The following DNAAF3 variants were observed in gnomAD, a reference collection of about 807,000 sequenced individuals.
DNAAF3 encodes the protein dynein axonemal assembly factor 3.
DNAAF3 carries 40 observed loss-of-function variants against 50.9 expected under a neutral mutation model. The observed-to-expected ratio is 0.79, with a 90% CI of 0.61 to 1.02. DNAAF3 has a LOEUF of 1.02. Ranked by LOEUF, DNAAF3 falls within the 50% of genes least tolerant of loss-of-function variation. The pLI is 0.00. For synonymous variants in DNAAF3, 327 were observed against 322.8 expected (o/e 1.01, Z -0.14); for missense variants, 763 against 744.7 (o/e 1.02, Z -0.29).
rs2085811189 is a variant in DNAAF3 at position 55,160,789 on chromosome 19, G to A, written c.913-14C>T. 6.2e-7 allele frequency: 1 copy of A among 1,604,560 alleles called. No individual in the cohort carries two copies. Among genetic ancestry groups the A allele is most frequent in the East Asian group, 2.2e-5 (1 of 44,770 alleles). The stretch of plus-strand genomic sequence containing the variant: ...CTCCCCGGCCGTCTAACAGTAGAAG[G>A]GGCGTGGCCAGACGTCGGGGCCAGG... On this transcript the variant is annotated splice_polypyrimidine_tract_variant and intron_variant, in intron 8 of 11. Transcript: ENST00000524407. This position sits in a 1 kb window ranked among gnomAD's most constrained non-coding sequence, Gnocchi z 4.7.
At position 55,162,113 on chromosome 19, in the gene DNAAF3, T is replaced by A. The variant is rs2085847264; in HGVS notation, c.480+20A>T. On this transcript the variant is annotated intron_variant, in intron 5 of 11. Coordinates refer to ENST00000524407, the MANE Select transcript of DNAAF3 (RefSeq NM_001256715.2). ...ATTCCCGCGGCCACCCGATCCCAGA[T>A]GGAGGCCGGGCGGCGGCACCTTGAG... 8.0e-7 allele frequency: 1 copy of A among 1,243,930 alleles called. No homozygotes were observed. The allele number at this position is 1,243,930 out of a possible 1,614,324, so 77.1% of individuals were successfully genotyped here. A position where few individuals can be genotyped will look rare whatever the true frequency, so the allele number is the denominator to read the frequency against.
intron 5 of DNAAF3, 55 bp downstream of exon 5, chr19:55,162,078 C>T (rs539059776): frequency 1.6e-6 from 2 of 1,243,922 alleles, no homozygotes; most frequent in East Asian, 6.3e-5. Flanking sequence ...TTGGACTGTG[C>T]GCTTCCATTA....
Position 55,161,536 on chromosome 19 carries a change from G to C in DNAAF3, c.663+107C>G, listed in dbSNP as rs983229387. 4 of 1,481,222 alleles carry C rather than the reference G, an allele frequency of 2.7e-6. No homozygotes were observed. The highest frequency in any genetic ancestry group is 4.9e-5 in the Admixed American group (2 of 40,480). 91.8% of individuals were successfully genotyped at this position (1,481,222 alleles called of 1,614,324 possible). A position where few individuals can be genotyped will look rare whatever the true frequency, so the allele number is the denominator to read the frequency against. On this transcript the variant is annotated intron_variant, in intron 6 of 11. Transcript: ENST00000524407. The surrounding 1 kb of genome is among the most constrained non-coding windows in gnomAD (Gnocchi z 6.4). ...CCCAGGCCCTCCTCCCTCAGACCCAGGAGTTCAGGCCCCCAAACCCTCCTC... is the reference window on the plus strand; with the variant it reads ...CCCAGGCCCTCCTCCCTCAGACCCACGAGTTCAGGCCCCCAAACCCTCCTC...
At chr19:55,162,832 G>A (rs745982659) in intron 4 of DNAAF3, 2 of 315,902 alleles carry the variant, frequency 6.3e-6, no homozygotes, top group Non-Finnish European at 9.2e-6. Flanking sequence ...TTGAGACAGT[G>A]TCTCACTCTG....
At position 55,160,917 on chromosome 19, in the gene DNAAF3, A is replaced by T. The variant is rs1412230755; in HGVS notation, c.913-142T>A. 2.1e-6 allele frequency: 3 copies of T among 1,449,544 alleles called. No individual in the cohort carries two copies. Among genetic ancestry groups the T allele is most frequent in the South Asian group, 2.8e-5 (2 of 72,094 alleles). 89.8% of individuals were successfully genotyped at this position (1,449,544 alleles called of 1,614,324 possible). Reference sequence around the variant, plus strand: ...GTGGGGCGGGACCTATCCCGCGGGGATGGGGCCTGTTCTCTGAATGGAGTC... The same window carrying T: ...GTGGGGCGGGACCTATCCCGCGGGGTTGGGGCCTGTTCTCTGAATGGAGTC... On this transcript the variant is annotated intron_variant, in intron 8 of 11. Transcript: ENST00000524407. This position sits in a 1 kb window ranked among gnomAD's most constrained non-coding sequence, Gnocchi z 4.7.
Position 55,160,500 on chromosome 19 carries a change from GGAGA to G in DNAAF3, c.1048+136_1048+139del. On this transcript the variant is annotated intron_variant, in intron 9 of 11. Coordinates refer to ENST00000524407, the MANE Select transcript of DNAAF3 (RefSeq NM_001256715.2). This position sits in a 1 kb window ranked among gnomAD's most constrained non-coding sequence, Gnocchi z 4.7. ...AGCATGCTCTCAGAATTTAGGAAAG[GGAGA>G]GAAAGAGAGAAAAAGAGACAGAATA... The G allele has an allele frequency of 7.1e-7, 1 of 1,414,880 alleles. No individual in the cohort carries two copies. The highest frequency in any genetic ancestry group is 2.3e-5 in the East Asian group (1 of 43,800). The allele number at this position is 1,414,880 out of a possible 1,614,324, so 87.6% of individuals were successfully genotyped here.
rs1041414264 is a variant in DNAAF3, at chr19:55,163,527, A to G, written c.323-1237T>C. 3.3e-5 allele frequency among the ~76,000 whole-genome samples: 5 copies of G among 150,858 alleles called. No homozygotes were observed. In the East Asian group the frequency reaches 9.8e-4, roughly 30 times the overall value. On this transcript the variant is annotated intron_variant, in intron 4 of 11. Transcript: ENST00000524407. ...GGCCAGTCTCAAACTCGTGGTCTCAAGCAGTCCTCCCACCTCAGGCTCCCA... is the reference window on the plus strand; with the variant it reads ...GGCCAGTCTCAAACTCGTGGTCTCAGGCAGTCCTCCCACCTCAGGCTCCCA...
In DNAAF3 at chr19:55,160,079, A is replaced by T; in HGVS notation, c.1049-66T>A. 8.9e-7 allele frequency: 1 copy of T among 1,124,898 alleles called. No individual in the cohort carries two copies. The highest frequency in any genetic ancestry group is 1.2e-5 in the South Asian group (1 of 80,064). 69.7% of individuals were successfully genotyped at this position (1,124,898 alleles called of 1,614,324 possible). On this transcript the variant is annotated intron_variant, in intron 9 of 11. Coordinates refer to ENST00000524407, the MANE Select transcript of DNAAF3 (RefSeq NM_001256715.2). This position sits in a 1 kb window ranked among gnomAD's most constrained non-coding sequence, Gnocchi z 4.7. The stretch of plus-strand genomic sequence containing the variant: ...GCCATAAGGGCGGAAAACCAGAGAG[A>T]TACACAGAGCTGGGCAGAGCTGGGC...
Position 55,162,261 on chromosome 19 carries a change from C to G in DNAAF3, c.352G>C (p.Gly118Arg). The stretch of plus-strand genomic sequence containing the variant: ...ACTGGCGGGCGCAGCAGCGCGTTCC[C>G]CCACACTTCCAGGAAGGTCTCGCTT... The part of the protein sequence containing the change: ...ERSETFLEVW[G>R]NALLRPPVAA... The change falls in exon 5 of 12, where the codon GGG becomes CGG. Residue 118 changes from glycine to arginine, a missense_variant. Coordinates refer to ENST00000524407, the MANE Select transcript of DNAAF3 (RefSeq NM_001256715.2). 1.6e-6 allele frequency: 2 copies of G among 1,250,568 alleles called. No individual in the cohort carries two copies. The highest frequency in any genetic ancestry group is 2.0e-6 in the Non-Finnish European group (2 of 989,332). 77.5% of individuals were successfully genotyped at this position (1,250,568 alleles called of 1,614,324 possible). A position where few individuals can be genotyped will look rare whatever the true frequency, so the allele number is the denominator to read the frequency against.
Position 55,166,545 on chromosome 19 carries a change from G to A in DNAAF3, c.-27C>T. 6.2e-7 allele frequency: 1 copy of A among 1,614,094 alleles called. No homozygotes were observed. The highest frequency in any genetic ancestry group is 8.5e-7 in the Non-Finnish European group (1 of 1,180,008). ...CACCTTTATCCTCCAAATATCCCGG[G>A]ACGCCCCTTCCTCTCTGCTCAGTGC... On this transcript the variant is annotated 5_prime_UTR_variant, in exon 1 of 12. Transcript: ENST00000524407. This position sits in a 1 kb window ranked among gnomAD's most constrained non-coding sequence, Gnocchi z 4.0.
In DNAAF3 at chr19:55,166,542, C is replaced by T. The variant is rs1397391020; in HGVS notation, c.-24G>A. 2.5e-6 allele frequency: 4 copies of T among 1,614,044 alleles called. No individual in the cohort carries two copies. Among genetic ancestry groups the T allele is most frequent in the Non-Finnish European group, 2.5e-6 (3 of 1,180,020 alleles). On this transcript the variant is annotated 5_prime_UTR_variant, in exon 1 of 12. Coordinates refer to ENST00000524407, the MANE Select transcript of DNAAF3 (RefSeq NM_001256715.2). This position sits in a 1 kb window ranked among gnomAD's most constrained non-coding sequence, Gnocchi z 4.0. ...CCACACCTTTATCCTCCAAATATCC[C>T]GGGACGCCCCTTCCTCTCTGCTCAG...
In DNAAF3 at chr19:55,159,926, C is replaced by T. The variant is rs1471225847; in HGVS notation, c.1136G>A (p.Arg379Gln). Residue 379 changes from arginine (R) to glutamine (Q), a missense_variant, in exon 10 of 12, where the codon CGA (arginine) becomes CAA (glutamine). Coordinates refer to ENST00000524407, the MANE Select transcript of DNAAF3 (RefSeq NM_001256715.2). Reference sequence around the variant, plus strand: ...ACAGGCCACATAGAGGAGCTGGAATCGGCCGTTGTAGCAGCTCTTGTGGTG... The same window carrying T: ...ACAGGCCACATAGAGGAGCTGGAATTGGCCGTTGTAGCAGCTCTTGTGGTG... ...TLHHKSCYNG[R>Q]FQLLYVACGM... 13 of 1,612,442 alleles carry T rather than the reference C, an allele frequency of 8.1e-6. No individual in the cohort carries two copies. The highest frequency in any genetic ancestry group is 4.5e-5 in the East Asian group (2 of 44,834).
Position 55,166,277 on chromosome 19 carries a change from G to A in DNAAF3, c.85+52C>T. 1.3e-6 allele frequency: 2 copies of A among 1,596,702 alleles called. No homozygotes were observed. Among genetic ancestry groups the A allele is most frequent in the East Asian group, 4.5e-5 (2 of 44,146 alleles). ...GACTACGAGCTCTAAAAGGCCGTCTGCTCAGGCTGGGAAGGCAGACGGTGT... is the reference window on the plus strand; with the variant it reads ...GACTACGAGCTCTAAAAGGCCGTCTACTCAGGCTGGGAAGGCAGACGGTGT... On this transcript the variant is annotated intron_variant, in intron 2 of 11. Transcript: ENST00000524407. This position sits in a 1 kb window ranked among gnomAD's most constrained non-coding sequence, Gnocchi z 4.0.
At chr19:55,165,274 TA>T in intron 4 of DNAAF3, 95 bp downstream of exon 4, 1 of 1,252,078 alleles carries the variant, frequency 8.0e-7, no homozygotes, top group South Asian at 1.2e-5. Flanking sequence ...CCCAGGAAAA[TA>T]ACCAAACTTT....
chr19:55,164,464 G>A (rs902480415), intron 4 of DNAAF3, among the ~76,000 whole-genome samples: 9 of 152,278 alleles, frequency 5.9e-5, no homozygotes, highest in East Asian at 1.9e-4. Context: ...TCTGGGCAAC[G>A]GGACAAGACT....
At chr19:55,159,745 T>G (rs2085785771) in intron 10 of DNAAF3, 138 bp from the exon 11 acceptor site, 2 of 1,556,122 alleles carry the variant, frequency 1.3e-6, no homozygotes, top group African/African-American at 1.4e-5. Flanking sequence ...GAGCAGGAGG[T>G]CTGGACTCCT....
rs1222310084 is a variant in DNAAF3 at position 55,158,725 on chromosome 19, C to G, written c.*337G>C. ...TGCTGACCAGGCCCTGGTGAGGAGA[C>G]ACCCCAGCCCCTAGTCAGCCACAGG... is the stretch of plus-strand genomic sequence containing the variant. On this transcript the variant is annotated 3_prime_UTR_variant, in exon 12 of 12. Coordinates refer to ENST00000524407, the MANE Select transcript of DNAAF3 (RefSeq NM_001256715.2). 4.4e-6 allele frequency: 1 copy of G among 228,740 alleles called. No individual in the cohort carries two copies. Among genetic ancestry groups the G allele is most frequent in the African/African-American group, 2.2e-5 (1 of 44,672 alleles). The allele number at this position is 228,740 out of a possible 1,614,324, so 14.2% of individuals were successfully genotyped here.
In DNAAF3 at chr19:55,161,446, C is replaced by A. The variant is rs1241251046; in HGVS notation, c.664-28G>T. 6.3e-7 allele frequency: 1 copy of A among 1,577,558 alleles called. No homozygotes were observed. The highest frequency in any genetic ancestry group is 1.4e-5 in the African/African-American group (1 of 73,570). On this transcript the variant is annotated intron_variant, in intron 6 of 11. Transcript: ENST00000524407. The surrounding 1 kb of genome is among the most constrained non-coding windows in gnomAD (Gnocchi z 6.4). ...GGGGTGGGGGGCGGGAAGAAGGGAG[C>A]CCTCAGTGAACCGAGCGTGGAGAGA...
In DNAAF3 at chr19:55,166,183, C is replaced by G; in HGVS notation, c.85+146G>C. The G allele has an allele frequency of 6.5e-7, 1 of 1,548,402 alleles. No individual in the cohort carries two copies. The highest frequency in any genetic ancestry group is 8.7e-7 in the Non-Finnish European group (1 of 1,147,380). On this transcript the variant is annotated intron_variant, in intron 2 of 11. Transcript: ENST00000524407. The surrounding 1 kb of genome is among the most constrained non-coding windows in gnomAD (Gnocchi z 4.0). ...TCCGCAGACAGGACCTCGGGGCTGC[C>G]CCTGGGAGCGCGCCCTCTGCCGCTG...
Sources: allele counts gnomAD v4.1 joint callset (sites outside exome capture counted in the v4.1 genomes callset), GRCh38; gene constraint gnomAD v4.1.1; non-coding constraint Gnocchi (gnomAD v3.1); transcripts MANE v1.5; gene names NCBI Gene and HGNC (gene_info 2026-07-23, HGNC 2026-07-21).